The following MCCC2 variants were observed in gnomAD, a reference collection of about 807,000 sequenced individuals.
MCCC2 encodes the protein methylcrotonyl-CoA carboxylase subunit 2, also known as methylcrotonoyl-CoA carboxylase beta chain, mitochondrial.
A neutral mutation model predicts 77.2 loss-of-function variants in MCCC2; 52 were observed. The ratio of observed to expected loss-of-function variants is 0.67; its 90% CI spans 0.54 to 0.85. The LOEUF (loss-of-function observed/expected upper bound fraction) is 0.85. Among genes scored for constraint, MCCC2 ranks in the 40% least tolerant of loss-of-function variants. MCCC2 has a pLI of 0.00. For missense variants in MCCC2, 682 were observed against 703.2 expected (o/e 0.97, Z 0.34); for synonymous variants, 253 against 248.4 (o/e 1.02, Z -0.18).
At chr5:71,596,415 T>C in intron 3 of MCCC2, 51 bp downstream of exon 3, 1 of 1,421,154 alleles carries the variant, frequency 7.0e-7, no homozygotes, top group Non-Finnish European at 1.0e-6. Context: ...TCCATAGTAC[T>C]TTATTAGACA....
intron 7 of MCCC2, among the ~76,000 whole-genome samples, chr5:71,631,700 C>G (rs886924717): frequency 2.0e-5 from 3 of 152,018 alleles, no homozygotes; most frequent in Non-Finnish European, 4.4e-5. Context: ...GCCACCGCGC[C>G]CAGCTAATTT....
Position 71,643,767 on chromosome 5 carries a change from G to T in MCCC2, c.1073-52G>T, listed in dbSNP as rs1256218967. 1.9e-6 allele frequency: 3 copies of T among 1,613,728 alleles called. No individual in the cohort carries two copies. The South Asian group carries it at 3.3e-5, about 18-fold the overall frequency. On this transcript the variant is annotated intron_variant, in intron 11 of 16. Transcript: ENST00000340941. Reference sequence around the variant, plus strand: ...TAAATATGCCTCTTTCTTGTGAATTGAAGCCCTTGGAAAAGCACAAGACAT... The same window carrying T: ...TAAATATGCCTCTTTCTTGTGAATTTAAGCCCTTGGAAAAGCACAAGACAT...
intron 10 of MCCC2, among the ~76,000 whole-genome samples, chr5:71,636,951 T>C (rs1252802589): frequency 1.3e-5 from 2 of 151,784 alleles, no homozygotes; most frequent in African/African-American, 4.8e-5. Flanking sequence ...ACCATGTTGG[T>C]CTGGCTTTTC....
Position 71,646,290 on chromosome 5 carries a change from C to G in MCCC2, c.1216+13C>G, listed in dbSNP as rs776639662. ...CAAAACATTACTGGTAAGAAAATAG[C>G]TTAATCAGTTTGGTTGTATTGATTC... On this transcript the variant is annotated intron_variant, in intron 13 of 16. Coordinates refer to ENST00000340941, the MANE Select transcript of MCCC2 (RefSeq NM_022132.5). The G allele has an allele frequency of 6.2e-7, 1 of 1,612,244 alleles. No homozygotes were observed. The highest frequency in any genetic ancestry group is 2.2e-5 in the East Asian group (1 of 44,836).
At chr5:71,608,724 C>G (rs1256185700) in intron 6 of MCCC2, among the ~76,000 whole-genome samples, 1 of 152,042 alleles carries the variant, frequency 6.6e-6, no homozygotes, top group Non-Finnish European at 1.5e-5. Flanking sequence ...ACCGGTTGTT[C>G]CTTTCCATGT....
At chr5:71,603,984 T>G (rs1432724036) in intron 5 of MCCC2, among the ~76,000 whole-genome samples, 2 of 152,208 alleles carry the variant, frequency 1.3e-5, no homozygotes, top group African/African-American at 4.8e-5. Flanking sequence ...GAAGGCAATA[T>G]GTATAAATTA....
chr5:71,610,468 G>A (rs1745890201), intron 6 of MCCC2, among the ~76,000 whole-genome samples: 1 of 152,180 alleles, frequency 6.6e-6, no homozygotes, highest in Admixed American at 6.5e-5. Flanking sequence ...CCCACTGTCT[G>A]GCACTCCTTA....
chr5:71,634,870 A>T, intron 8 of MCCC2, 73 bp from the exon 9 acceptor site: 1 of 1,324,982 alleles, frequency 7.5e-7, no homozygotes, highest in Non-Finnish European at 1.1e-6. Context: ...ATGAGAGAAG[A>T]TACTTGGGAC....
At chr5:71,605,662 G>C (rs866045280) in intron 6 of MCCC2, among the ~76,000 whole-genome samples, 3,089 of 151,522 alleles carry the variant, frequency 0.02, 110 homozygotes, top group African/African-American at 0.071. Flanking sequence ...CCATGCCTAT[G>C]TCCTGAATGG....
intron 6 of MCCC2, among the ~76,000 whole-genome samples, chr5:71,607,887 T>C (rs1745754604): frequency 7.5e-6 from 1 of 134,084 alleles, no homozygotes; most frequent in African/African-American, 2.7e-5. Context: ...TGAGCAGTTT[T>C]GAGTGAGATT....
chr5:71,623,448 C>T (rs1288367514), intron 6 of MCCC2, among the ~76,000 whole-genome samples: 1 of 152,166 alleles, frequency 6.6e-6, no homozygotes, highest in Admixed American at 6.5e-5. Flanking sequence ...TCCTCAGTTG[C>T]TTGCCATACA....
intron 1 of MCCC2, among the ~76,000 whole-genome samples, chr5:71,591,561 C>G (rs139394745): frequency 4.0e-5 from 6 of 151,660 alleles, no homozygotes; most frequent in Non-Finnish European, 8.8e-5. Context: ...CTCAGCCTCC[C>G]GAGTAGCTGG....
intron 6 of MCCC2, among the ~76,000 whole-genome samples, chr5:71,621,900 T>C (rs1384079353): frequency 6.6e-6 from 1 of 152,218 alleles, no homozygotes. Context: ...AGTATGTAAT[T>C]GGATTGTTTA....
At chr5:71,597,924 G>A (rs991391783) in intron 3 of MCCC2, among the ~76,000 whole-genome samples, 2 of 152,316 alleles carry the variant, frequency 1.3e-5, no homozygotes, top group Middle Eastern at 3.4e-3. Flanking sequence ...GATTGCTTAT[G>A]AAGCTCCCGG....
intron 12 of MCCC2, among the ~76,000 whole-genome samples, chr5:71,644,511 G>A (rs1747224542): frequency 6.6e-6 from 1 of 151,644 alleles, no homozygotes; most frequent in Non-Finnish European, 1.5e-5. Flanking sequence ...GAAAAAAGAG[G>A]GAGTTCTTGA....
intron 6 of MCCC2, among the ~76,000 whole-genome samples, chr5:71,613,382 T>C (rs540768049): frequency 6.6e-6 from 1 of 152,326 alleles, no homozygotes; most frequent in South Asian, 2.1e-4. Flanking sequence ...CTTTTAAAAA[T>C]CAAAAGTGTA....
chr5:71,612,607 T>G (rs762725008), intron 6 of MCCC2, among the ~76,000 whole-genome samples: 1 of 152,216 alleles, frequency 6.6e-6, no homozygotes, highest in Non-Finnish European at 1.5e-5. Context: ...TCCTTCTGCC[T>G]TAGCCTCCCA....
intron 7 of MCCC2, among the ~76,000 whole-genome samples, chr5:71,631,188 TC>T (rs1220388921): frequency 3.9e-5 from 6 of 152,210 alleles, no homozygotes; most frequent in African/African-American, 1.4e-4. Flanking sequence ...AAATCACAGT[TC>T]CTGCCACCAA....
At chr5:71,614,658 A>T (rs1746098748) in intron 6 of MCCC2, among the ~76,000 whole-genome samples, 1 of 151,498 alleles carries the variant, frequency 6.6e-6, no homozygotes, top group Non-Finnish European at 1.5e-5. Context: ...TAATTTTTGT[A>T]TTTTTAGTAG....
Sources: allele counts gnomAD v4.1 joint callset (sites outside exome capture counted in the v4.1 genomes callset), GRCh38; gene constraint gnomAD v4.1.1; transcripts MANE v1.5; gene names NCBI Gene and HGNC (gene_info 2026-07-23, HGNC 2026-07-21).